DYM: variants seen among roughly 807,000 people sequenced by gnomAD.
DYM encodes dyggve-Melchior-Clausen syndrome protein.
DYM carries 78 observed loss-of-function variants against 93.1 expected under a neutral mutation model. The ratio of observed to expected loss-of-function variants is 0.84; its 90% CI spans 0.70 to 1.01. DYM has a LOEUF of 1.01. Among genes scored for constraint, DYM ranks in the 50% least tolerant of loss-of-function variants. The pLI is 0.00. For synonymous variants in DYM, 321 were observed against 319.7 expected (o/e 1.00, Z -0.04); for missense variants, 789 against 845.0 (o/e 0.93, Z 0.82).
chr18:49,355,170 C>G (rs2065434501), intron 6 of DYM, among the ~76,000 whole-genome samples: 1 of 151,824 alleles, frequency 6.6e-6, no homozygotes, highest in Non-Finnish European at 1.5e-5. Flanking sequence ...ATACATTGAT[C>G]AACACATTGA....
At chr18:49,428,092 A>G (rs77780601) in intron 2 of DYM, among the ~76,000 whole-genome samples, 2 of 151,068 alleles carry the variant, frequency 1.3e-5, no homozygotes, top group African/African-American at 2.4e-5. Context: ...CCTTGTCTCA[A>G]AAAAAAAAGA....
At chr18:49,242,735 A>T (rs1247950221) in intron 13 of DYM, among the ~76,000 whole-genome samples, 2 of 152,152 alleles carry the variant, frequency 1.3e-5, no homozygotes, top group Non-Finnish European at 2.9e-5. Context: ...AGTCTAGCTC[A>T]GTTGCTCAGG....
At chr18:49,127,358 A>T (rs888420318) in intron 15 of DYM, among the ~76,000 whole-genome samples, 5 of 152,344 alleles carry the variant, frequency 3.3e-5, no homozygotes, top group Admixed American at 3.3e-4. Context: ...CCATTGTGGG[A>T]ATATTTTACC....
At chr18:49,361,409 T>C (rs573196153) in intron 6 of DYM, among the ~76,000 whole-genome samples, 153 of 152,364 alleles carry the variant, frequency 1.0e-3, no homozygotes, top group Admixed American at 3.5e-3. Context: ...CATAGACAAA[T>C]AGCACATTTC....
chr18:49,281,862 G>C (rs775840311), intron 10 of DYM, 135 bp downstream of exon 10: 46 of 805,796 alleles, frequency 5.7e-5, no homozygotes, highest in Non-Finnish European at 8.4e-5. Flanking sequence ...TAAATGACGA[G>C]TTCCTGGGTG....
intron 13 of DYM, among the ~76,000 whole-genome samples, chr18:49,210,493 A>C (rs974015324): frequency 1.3e-5 from 2 of 152,196 alleles, no homozygotes; most frequent in African/African-American, 4.8e-5. Context: ...GACATTCTGG[A>C]AAAGGAAAAA....
At chr18:49,111,148 T>A (rs2081352704) in intron 16 of DYM, among the ~76,000 whole-genome samples, 1 of 152,222 alleles carries the variant, frequency 6.6e-6, no homozygotes, top group African/African-American at 2.4e-5. Context: ...AGTAAATATT[T>A]TAAGTTTTGT....
At chr18:49,125,483 A>G (rs1418808109) in intron 15 of DYM, among the ~76,000 whole-genome samples, 2 of 152,198 alleles carry the variant, frequency 1.3e-5, no homozygotes, top group Non-Finnish European at 2.9e-5. Context: ...ACTCTCTTTC[A>G]AGAAAGAAAA....
chr18:49,376,459 G>A (rs753552218), intron 5 of DYM, among the ~76,000 whole-genome samples: 2 of 152,194 alleles, frequency 1.3e-5, no homozygotes, highest in Non-Finnish European at 2.9e-5. Flanking sequence ...ACAAACTAGA[G>A]TCTGCTCATC....
At chr18:49,071,663 T>A (rs552019995) in intron 17 of DYM, among the ~76,000 whole-genome samples, 1 of 152,212 alleles carries the variant, frequency 6.6e-6, no homozygotes, top group African/African-American at 2.4e-5. Flanking sequence ...AGTAAATCAC[T>A]ACTTACTTGG....
intron 14 of DYM, among the ~76,000 whole-genome samples, chr18:49,182,104 T>C (rs577723112): frequency 2.1e-4 from 32 of 152,344 alleles, no homozygotes; most frequent in African/African-American, 6.7e-4. Flanking sequence ...ATGGGGATTT[T>C]CCAGAAAGTT....
intron 17 of DYM, among the ~76,000 whole-genome samples, chr18:49,087,375 G>A (rs768813296): frequency 1.8e-4 from 28 of 152,132 alleles, no homozygotes; most frequent in Middle Eastern, 3.2e-3. Flanking sequence ...GGATTACAAA[G>A]TAAAAACTAT....
intron 8 of DYM, among the ~76,000 whole-genome samples, chr18:49,296,842 C>T (rs912519717): frequency 6.6e-6 from 1 of 152,148 alleles, no homozygotes; most frequent in Non-Finnish European, 1.5e-5. Context: ...AGCACACTGG[C>T]TATATCTCCT....
At chr18:49,159,278 A>C (rs1432262529) in intron 15 of DYM, among the ~76,000 whole-genome samples, 2 of 152,218 alleles carry the variant, frequency 1.3e-5, no homozygotes, top group Non-Finnish European at 2.9e-5. Flanking sequence ...ATAATAGAAC[A>C]ACCTAAAAAG....
chr18:49,078,907 ACT>A (rs149000167), intron 17 of DYM, among the ~76,000 whole-genome samples: 1,584 of 152,220 alleles, frequency 0.01, 10 homozygotes, highest in Non-Finnish European at 0.015. Flanking sequence ...TCTCTTTGAG[ACT>A]CTCTGACTTC....
At chr18:49,375,201 C>A (rs1451565020) in intron 5 of DYM, among the ~76,000 whole-genome samples, 1 of 148,210 alleles carries the variant, frequency 6.7e-6, no homozygotes, top group Non-Finnish European at 1.5e-5. Context: ...AAGACACACA[C>A]ACACACACAC....
intron 15 of DYM, among the ~76,000 whole-genome samples, chr18:49,147,238 A>G (rs1600134522): frequency 6.6e-6 from 1 of 152,150 alleles, no homozygotes; most frequent in East Asian, 1.9e-4. Flanking sequence ...AAAACCATAA[A>G]AACCCTAGAA....
chr18:49,456,747 G>A (rs1190162764), intron 1 of DYM, among the ~76,000 whole-genome samples: 3 of 152,080 alleles, frequency 2.0e-5, no homozygotes. Context: ...CTAGAATTAA[G>A]TAATGTGAGG....
At chr18:49,349,624 AG>A (rs1221818080) in intron 6 of DYM, among the ~76,000 whole-genome samples, 2 of 152,228 alleles carry the variant, frequency 1.3e-5, no homozygotes, top group African/African-American at 4.8e-5. Context: ...AAATATTAAG[AG>A]ATATTCAACT....
Sources: allele counts gnomAD v4.1 joint callset (sites outside exome capture counted in the v4.1 genomes callset), GRCh38; gene constraint gnomAD v4.1.1; transcripts MANE v1.5; gene names NCBI Gene and HGNC (gene_info 2026-07-23, HGNC 2026-07-21).